The following ASPRV1 variants were observed in gnomAD, a reference collection of about 807,000 sequenced individuals.
ASPRV1 encodes the protein retroviral-like aspartic protease 1.
In ASPRV1, 7 loss-of-function variants were observed where a neutral mutation model predicts 11.0. That is an observed-to-expected ratio of 0.64 (90% CI 0.36 to 1.20). ASPRV1 has a LOEUF of 1.20. Ranked by LOEUF, ASPRV1 falls within the 50% of genes most tolerant of loss-of-function variation. ASPRV1 has a pLI of 0.02. For missense variants in ASPRV1, 299 were observed against 320.0 expected (o/e 0.93, Z 0.50); for synonymous variants, 136 against 138.4 (o/e 0.98, Z 0.12).
chr2:70,009,926 G>C, the ASPRV1 span, among the ~76,000 whole-genome samples: 6 of 152,186 alleles, frequency 3.9e-5, no homozygotes, highest in Non-Finnish European at 7.3e-5. Flanking sequence ...GCAATGCAGG[G>C]ACCAGCAGCC....
the ASPRV1 span, among the ~76,000 whole-genome samples, chr2:69,978,342 T>G: frequency 1.3e-5 from 2 of 152,166 alleles, no homozygotes; most frequent in African/African-American, 4.8e-5. Context: ...CCCTGGATAG[T>G]TGCCCCATAG....
At chr2:70,015,533 T>A in the ASPRV1 span, 1 of 152,214 alleles carries the variant, frequency 6.6e-6, no homozygotes, top group Non-Finnish European at 1.5e-5. Context: ...ATGGTGCAGC[T>A]TTTGTTACAC....
At chr2:70,031,068 A>C in the ASPRV1 span, 4 of 152,284 alleles carry the variant, frequency 2.6e-5, no homozygotes, top group East Asian at 7.7e-4. Context: ...ATTGGGTCTG[A>C]GGGTTCCTAG....
chr2:70,037,177 G>A, the ASPRV1 span, among the ~76,000 whole-genome samples: 3 of 152,182 alleles, frequency 2.0e-5, no homozygotes, highest in African/African-American at 7.2e-5. Flanking sequence ...CCCTTCTAGA[G>A]GAGTGGCTCC....
At chr2:70,081,696 A>T in the ASPRV1 span, among the ~76,000 whole-genome samples, 2 of 151,740 alleles carry the variant, frequency 1.3e-5, no homozygotes, top group African/African-American at 2.4e-5. Flanking sequence ...TGATTCTCCC[A>T]TCTCAGCCTT....
the ASPRV1 span, among the ~76,000 whole-genome samples, chr2:70,009,314 A>T: frequency 4.1e-5 from 6 of 146,174 alleles, no homozygotes; most frequent in Non-Finnish European, 9.1e-5. Flanking sequence ...TTATTGTCTT[A>T]TTTATTTATT....
At chr2:69,951,652 C>A in the ASPRV1 span, among the ~76,000 whole-genome samples, 38 of 151,318 alleles carry the variant, frequency 2.5e-4, no homozygotes, top group African/African-American at 6.8e-4. Context: ...TTCCCGCAAG[C>A]CTCACTCATT....
the ASPRV1 span, among the ~76,000 whole-genome samples, chr2:70,044,843 ACACCACACCCTCACCTCTGGCCC>A: frequency 6.6e-6 from 1 of 152,210 alleles, no homozygotes; most frequent in Non-Finnish European, 1.5e-5. Context: ...CAGTGAGGAT[ACACCACACCCTCACCTCTGGCCC>A]CATCACACCT....
chr2:70,019,412 C>T, the ASPRV1 span, among the ~76,000 whole-genome samples: 1 of 152,116 alleles, frequency 6.6e-6, no homozygotes, highest in Non-Finnish European at 1.5e-5. Context: ...CACTACTGGG[C>T]ATATATCTAA....
the ASPRV1 span, among the ~76,000 whole-genome samples, chr2:70,074,740 A>G: frequency 6.6e-6 from 1 of 151,928 alleles, no homozygotes; most frequent in African/African-American, 2.4e-5. Context: ...AGCTGGCCCT[A>G]CTACTCTTAT....
At chr2:70,046,378 G>A in the ASPRV1 span, 1 of 152,106 alleles carries the variant, frequency 6.6e-6, no homozygotes, top group Non-Finnish European at 1.5e-5. Flanking sequence ...TGGTAGAATG[G>A]ACCTATGTCT....
At chr2:69,937,426 C>G in the ASPRV1 span, 2 of 1,555,406 alleles carry the variant, frequency 1.3e-6, no homozygotes, top group South Asian at 1.2e-5. Flanking sequence ...CCCTGTCTCC[C>G]TTGTGCTCCC....
At chr2:70,028,484 T>C in the ASPRV1 span, 11 of 152,274 alleles carry the variant, frequency 7.2e-5, no homozygotes, top group East Asian at 1.2e-3. Flanking sequence ...CTATAAATTA[T>C]GATGTGATTA....
the ASPRV1 span, among the ~76,000 whole-genome samples, chr2:69,985,001 C>A: frequency 6.6e-6 from 1 of 152,100 alleles, no homozygotes; most frequent in Non-Finnish European, 1.5e-5. Flanking sequence ...GGACTACAGG[C>A]ACCCACCACC....
chr2:70,005,397 T>G, the ASPRV1 span, among the ~76,000 whole-genome samples: 1 of 152,324 alleles, frequency 6.6e-6, no homozygotes, highest in South Asian at 2.1e-4. Flanking sequence ...TTGTTCCACT[T>G]CTACATCCAC....
At chr2:70,069,718 T>C in the ASPRV1 span, among the ~76,000 whole-genome samples, 1 of 152,178 alleles carries the variant, frequency 6.6e-6, no homozygotes, top group Admixed American at 6.6e-5. Context: ...TTGTTCATAA[T>C]GGCCCTCTCA....
At chr2:70,010,366 G>A in the ASPRV1 span, among the ~76,000 whole-genome samples, 12 of 152,184 alleles carry the variant, frequency 7.9e-5, no homozygotes, top group African/African-American at 2.7e-4. Context: ...GACGTGGGGT[G>A]ATTCACAGTT....
the ASPRV1 span, among the ~76,000 whole-genome samples, chr2:69,947,055 G>C: frequency 5.6e-4 from 85 of 152,312 alleles, no homozygotes; most frequent in African/African-American, 1.9e-3. Context: ...TGCAAATTCA[G>C]AACAACCGTA....
chr2:69,996,734 C>T, the ASPRV1 span: 47 of 456,674 alleles, frequency 1.0e-4, 1 homozygote, highest in South Asian at 6.5e-4. Context: ...CCACCATCTA[C>T]GGAAACCATC....
Sources: allele counts gnomAD v4.1 joint callset (sites outside exome capture counted in the v4.1 genomes callset), GRCh38; gene constraint gnomAD v4.1.1; transcripts MANE v1.5; gene names NCBI Gene and HGNC (gene_info 2026-07-23, HGNC 2026-07-21).